Variants in SHROOM3 observed in about 807,000 individuals in gnomAD.
SHROOM3 encodes shroom family member 3.
SHROOM3 carries 47 observed loss-of-function variants against 138.6 expected under a neutral mutation model. The ratio of observed to expected loss-of-function variants is 0.34; its 90% confidence interval spans 0.27 to 0.43. The LOEUF is 0.43. Ranked by LOEUF, SHROOM3 falls within the 20% of genes least tolerant of loss-of-function variation. The pLI is 1.00. For synonymous variants in SHROOM3, 1,062 were observed against 1,063.3 expected (o/e 1.00, Z 0.02); for missense variants, 2,491 against 2,596.5 (o/e 0.96, Z 0.88).
Position 76,740,422 on chromosome 4 carries a change from A to C in SHROOM3, c.2249A>C (p.His750Pro), listed in dbSNP as rs1578008443. Residue 750 changes from histidine (H) to proline (P), a missense_variant, in exon 5 of 11, where the codon CAC becomes CCC. By Grantham distance (77) the His-to-Pro change is moderately conservative. Coordinates refer to ENST00000296043, the MANE Select transcript of SHROOM3 (RefSeq NM_020859.4). The surrounding 1 kb of genome is among the most constrained non-coding windows in gnomAD (Gnocchi z 4.0). ...PSPEEPPAPSHPHTSSLGRRG... is the reference protein window; with the variant it reads ...PSPEEPPAPSPPHTSSLGRRG... The stretch of plus-strand genomic sequence containing the variant: ...CCCGAAGAGCCGCCTGCCCCCTCGC[A>C]CCCGCACACATCCAGTCTGGGCCGG... 6.2e-7 allele frequency: 1 copy of C among 1,612,884 alleles called. No homozygotes were observed.
chr4:76,773,115 A>C (rs1032512938), intron 10 of SHROOM3, among the ~76,000 whole-genome samples: 5 of 152,074 alleles, frequency 3.3e-5, no homozygotes, highest in Middle Eastern at 3.2e-3. Context: ...AGTGGCTCAC[A>C]CCTGTAATCC....
chr4:76,468,998 C>CA (rs1351160962), intron 1 of SHROOM3, among the ~76,000 whole-genome samples: 1 of 149,786 alleles, frequency 6.7e-6, no homozygotes, highest in African/African-American at 2.5e-5. Context: ...GGTGCCACTG[C>CA]ACTCCAGCCT....
intron 2 of SHROOM3, among the ~76,000 whole-genome samples, chr4:76,658,922 T>C (rs180942162): frequency 5.3e-5 from 8 of 152,290 alleles, no homozygotes; most frequent in African/African-American, 1.9e-4. Context: ...TAGTAAATCT[T>C]TTTTTGGAAA....
intron 1 of SHROOM3, among the ~76,000 whole-genome samples, chr4:76,505,383 C>T (rs1318628271): frequency 1.3e-5 from 2 of 152,086 alleles, no homozygotes; most frequent in Admixed American, 6.6e-5. Context: ...GTTTTTTCTG[C>T]ATTTTTAAAG....
intron 2 of SHROOM3, among the ~76,000 whole-genome samples, chr4:76,629,590 C>A (rs2110071825): frequency 6.6e-6 from 1 of 152,286 alleles, no homozygotes; most frequent in East Asian, 1.9e-4. Context: ...GGATCCAGGA[C>A]AGAGATGCTG....
At chr4:76,599,694 A>C (rs942070668) in intron 2 of SHROOM3, among the ~76,000 whole-genome samples, 5 of 152,210 alleles carry the variant, frequency 3.3e-5, no homozygotes, top group Admixed American at 6.5e-5. Context: ...TTTGGGCAGA[A>C]TACTTATCTC....
rs142494344 is a variant in SHROOM3, at chr4:76,675,949, G to A, written c.324-34207G>A. On this transcript the variant is annotated intron_variant, in intron 2 of 10. Coordinates refer to ENST00000296043, the MANE Select transcript of SHROOM3 (RefSeq NM_020859.4). ...CAGAGAAGGCTGAGAGCTGATACAG[G>A]CTGAGGAACAAAGTCAGGGGACCCT... 9.2e-5 allele frequency among the ~76,000 whole-genome samples: 14 copies of A among 152,276 alleles called. No individual in the cohort carries two copies. The East Asian group carries it at 2.7e-3, about 29-fold the overall frequency.
At chr4:76,504,833 T>A (rs957888916) in intron 1 of SHROOM3, among the ~76,000 whole-genome samples, 2 of 152,186 alleles carry the variant, frequency 1.3e-5, no homozygotes, top group South Asian at 2.1e-4. Context: ...CATCTGGATG[T>A]CCCAGGATGG....
In SHROOM3 at chr4:76,772,895, C is replaced by T. The variant is rs148168583; in HGVS notation, c.5622+1997C>T. ...GGAGCGTAAGGCAGGAAGGACTTCA[C>T]GCAGTGACACATGAATACAGTTTAG... is the stretch of plus-strand genomic sequence containing the variant. On this transcript the variant is annotated intron_variant, in intron 10 of 10. Coordinates refer to ENST00000296043, the MANE Select transcript of SHROOM3 (RefSeq NM_020859.4). Among the ~76,000 whole-genome samples, 376 of 152,202 alleles carry T rather than the reference C, an allele frequency of 2.5e-3. 2 individuals carry two copies. The highest frequency in any genetic ancestry group is 1.1e-3 in the Non-Finnish European group (75 of 68,022).
chr4:76,613,251 G>C (rs894461720), intron 2 of SHROOM3, among the ~76,000 whole-genome samples: 2 of 152,108 alleles, frequency 1.3e-5, no homozygotes, highest in Non-Finnish European at 2.9e-5. Context: ...TCCTTGCATG[G>C]TTTCCCACTA....
At chr4:76,577,092 T>C (rs1733954982) in intron 2 of SHROOM3, among the ~76,000 whole-genome samples, 1 of 152,220 alleles carries the variant, frequency 6.6e-6, no homozygotes, top group African/African-American at 2.4e-5. Flanking sequence ...ATTGAATTTC[T>C]GATCTACCTA....
chr4:76,755,304 T>TAGAA, intron 7 of SHROOM3, 112 bp downstream of exon 7: 1 of 1,284,640 alleles, frequency 7.8e-7, no homozygotes, highest in Non-Finnish European at 1.1e-6. Context: ...GATGTTTCTA[T>TAGAA]ACAGCTCAGC....
chr4:76,489,470 G>A (rs982228899), intron 1 of SHROOM3, among the ~76,000 whole-genome samples: 1 of 152,150 alleles, frequency 6.6e-6, no homozygotes, highest in Non-Finnish European at 1.5e-5. Context: ...TCTTAACTAT[G>A]GCATAATGAA....
At chr4:76,701,232 G>C (rs1719895236) in intron 2 of SHROOM3, among the ~76,000 whole-genome samples, 1 of 152,136 alleles carries the variant, frequency 6.6e-6, no homozygotes, top group African/African-American at 2.4e-5. Context: ...ACTTGAGAGA[G>C]GGGTCTCATC....
intron 2 of SHROOM3, among the ~76,000 whole-genome samples, chr4:76,638,292 T>C (rs1165401385): frequency 6.6e-6 from 1 of 152,132 alleles, no homozygotes; most frequent in African/African-American, 2.4e-5. Context: ...AAATCAAAAA[T>C]ATGTTTATAT....
At chr4:76,566,146 G>A (rs547970407) in intron 2 of SHROOM3, among the ~76,000 whole-genome samples, 1 of 151,196 alleles carries the variant, frequency 6.6e-6, no homozygotes, top group Admixed American at 6.6e-5. Context: ...AAAAAACAAT[G>A]GATGGTTCAT....
chr4:76,623,122 G>T (rs1352503716), intron 2 of SHROOM3, among the ~76,000 whole-genome samples: 2 of 152,194 alleles, frequency 1.3e-5, no homozygotes, highest in East Asian at 3.8e-4. Flanking sequence ...TTTAAGTTGT[G>T]ACTCCTCTTT....
At chr4:76,464,517 G>A (rs1441605027) in intron 1 of SHROOM3, among the ~76,000 whole-genome samples, 2 of 152,090 alleles carry the variant, frequency 1.3e-5, no homozygotes, top group Non-Finnish European at 2.9e-5. Flanking sequence ...AAACTCGGGG[G>A]GACTGTTGGG....
intron 9 of SHROOM3, among the ~76,000 whole-genome samples, chr4:76,767,225 C>T (rs933100594): frequency 5.9e-5 from 9 of 152,288 alleles, no homozygotes; most frequent in Admixed American, 2.0e-4. Context: ...TGTTGCTGAT[C>T]TGCTTAGGTG....
Sources: allele counts gnomAD v4.1 joint callset (sites outside exome capture counted in the v4.1 genomes callset), GRCh38; gene constraint gnomAD v4.1.1; non-coding constraint Gnocchi (gnomAD v3.1); transcripts MANE v1.5; gene names NCBI Gene and HGNC (gene_info 2026-07-23, HGNC 2026-07-21).